The following PRICKLE1 variants were observed in gnomAD, a reference collection of about 807,000 sequenced individuals.
The protein encoded by PRICKLE1 is prickle planar cell polarity protein 1.
Under a neutral mutation model 70.2 loss-of-function variants are expected in PRICKLE1, and 14 were observed. The observed-to-expected ratio is 0.20, with a 90% confidence interval of 0.13 to 0.31. The LOEUF is 0.31. PRICKLE1 is among the 10% of genes least tolerant of loss of function. The pLI is 1.00. For missense variants in PRICKLE1, 821 were observed against 1,026.2 expected, an observed-to-expected ratio of 0.80 and a Z score of 2.73; for synonymous variants, 357 against 379.9, an observed-to-expected ratio of 0.94 and a Z score of 0.70.
chr12:42,517,415 C>T (rs1322530746), intron 1 of PRICKLE1, among the ~76,000 whole-genome samples: 1 of 145,796 alleles, frequency 6.9e-6, no homozygotes, highest in Admixed American at 7.3e-5. Flanking sequence ...CAGGTTCATG[C>T]CATTCTCCTG....
chr12:42,524,663 G>C (rs1014984553), intron 1 of PRICKLE1: 11 of 152,212 alleles, frequency 7.2e-5, no homozygotes, highest in African/African-American at 2.4e-4. Flanking sequence ...ACCAGCCTCG[G>C]CCTCCCAAAG....
chr12:42,526,186 G>A (rs552306132), intron 1 of PRICKLE1, among the ~76,000 whole-genome samples: 4 of 152,258 alleles, frequency 2.6e-5, no homozygotes, highest in South Asian at 4.1e-4. Context: ...GTGCATTCAC[G>A]ATTCATGGGT....
chr12:42,504,394 G>C (rs950881417), intron 1 of PRICKLE1, among the ~76,000 whole-genome samples: 2 of 152,212 alleles, frequency 1.3e-5, no homozygotes, highest in Admixed American at 1.3e-4. Flanking sequence ...CCTCCAAAAA[G>C]CACATTTAGT....
At chr12:42,545,163 C>A (rs1056295292) in intron 1 of PRICKLE1, among the ~76,000 whole-genome samples, 2 of 152,018 alleles carry the variant, frequency 1.3e-5, no homozygotes, top group South Asian at 2.1e-4. Flanking sequence ...ATCACCATGC[C>A]CAGCTAATTT....
chr12:42,506,567 C>CTTTT (rs139103281), intron 1 of PRICKLE1, among the ~76,000 whole-genome samples: 1 of 64,606 alleles, frequency 1.5e-5, no homozygotes, highest in Non-Finnish European at 2.9e-5. Context: ...CAATAGTGTT[C>CTTTT]TTTTTTTTTT....
chr12:42,545,429 T>C (rs1465530683), intron 1 of PRICKLE1, among the ~76,000 whole-genome samples: 1 of 152,262 alleles, frequency 6.6e-6, no homozygotes, highest in Non-Finnish European at 1.5e-5. Flanking sequence ...CTGCAGTTTC[T>C]CATTGTAAGA....
intron 1 of PRICKLE1, among the ~76,000 whole-genome samples, chr12:42,496,172 A>C (rs750166010): frequency 7.2e-5 from 11 of 152,260 alleles, no homozygotes; most frequent in Non-Finnish European, 1.0e-4. Context: ...TTGTGTTTGC[A>C]AGCATGAAAG....
At chr12:42,479,739 T>G (rs1430485667) in intron 1 of PRICKLE1, among the ~76,000 whole-genome samples, 2 of 152,092 alleles carry the variant, frequency 1.3e-5, no homozygotes, top group African/African-American at 2.4e-5. Context: ...GTGGATTACT[T>G]GAGGTCAGGA....
intron 1 of PRICKLE1, among the ~76,000 whole-genome samples, chr12:42,547,317 AT>A (rs1354238580): frequency 6.6e-6 from 1 of 152,246 alleles, no homozygotes. Flanking sequence ...TAACCCTGGT[AT>A]GCCATCTAAA....
intron 1 of PRICKLE1, among the ~76,000 whole-genome samples, chr12:42,514,541 C>T (rs911291711): frequency 6.6e-6 from 1 of 152,146 alleles, no homozygotes; most frequent in Non-Finnish European, 1.5e-5. Context: ...CCTTGGGAAA[C>T]TCAAAGGCTG....
intron 1 of PRICKLE1, among the ~76,000 whole-genome samples, chr12:42,477,482 G>GTATATATATATA (rs139988285): frequency 2.6e-5 from 3 of 116,382 alleles, no homozygotes; most frequent in African/African-American, 9.4e-5. Flanking sequence ...GTGTGTGTGT[G>GTATATATATATA]TATATATATA....
At chr12:42,543,995 T>C (rs995691620) in intron 1 of PRICKLE1, among the ~76,000 whole-genome samples, 1 of 152,228 alleles carries the variant, frequency 6.6e-6, no homozygotes, top group Admixed American at 6.5e-5. Context: ...TTACTATTCA[T>C]TAAGTGGAAG....
chr12:42,559,193 T>G (rs1940459254), intron 1 of PRICKLE1, among the ~76,000 whole-genome samples: 1 of 152,204 alleles, frequency 6.6e-6, no homozygotes, highest in South Asian at 2.1e-4. Context: ...CATTTCAAAC[T>G]GTTTCCTGGT....
intron 1 of PRICKLE1, among the ~76,000 whole-genome samples, chr12:42,577,816 A>C (rs1940827827): frequency 6.6e-6 from 1 of 152,226 alleles, no homozygotes; most frequent in Non-Finnish European, 1.5e-5. Context: ...GAAACAATAA[A>C]ATATCATCAA....
chr12:42,542,068 G>A, intron 1 of PRICKLE1, among the ~76,000 whole-genome samples: 1 of 152,184 alleles, frequency 6.6e-6, no homozygotes, highest in East Asian at 1.9e-4. Context: ...GAAGCTATGA[G>A]AGGAAGATGG....
chr12:42,480,114 C>A (rs1051953402), intron 1 of PRICKLE1, among the ~76,000 whole-genome samples: 2 of 152,154 alleles, frequency 1.3e-5, no homozygotes, highest in African/African-American at 4.8e-5. Context: ...GGCCCCTGAC[C>A]CATACATTTA....
chr12:42,496,381 G>T (rs1939201796), intron 1 of PRICKLE1, among the ~76,000 whole-genome samples: 1 of 152,204 alleles, frequency 6.6e-6, no homozygotes, highest in Non-Finnish European at 1.5e-5. Flanking sequence ...ACCACAGACA[G>T]AGTAGATTTA....
Position 42,459,816 on chromosome 12 carries a change from A to T in PRICKLE1, c.2489T>A (p.Ile830Asn). 6.2e-7 allele frequency: 1 copy of T among 1,614,234 alleles called. No homozygotes were observed. The highest frequency in any genetic ancestry group is 8.5e-7 in the Non-Finnish European group (1 of 1,180,046). Residue 830 changes from isoleucine to asparagine, a missense_variant, in exon 8 of 8, where the codon ATT becomes AAT. Transcript: ENST00000345127. Reference sequence around the variant, plus strand: ...CTCTGCATCACTACTTGGTTAAGAAATAATACAATTTTTGCCCTTGTGTCC... The same window carrying T: ...CTCTGCATCACTACTTGGTTAAGAATTAATACAATTTTTGCCCTTGTGTCC... ...KKGHKGKNCI[I>N]S is the part of the protein sequence containing the mutation.
intron 1 of PRICKLE1, among the ~76,000 whole-genome samples, chr12:42,559,483 C>G (rs536729335): frequency 2.7e-4 from 41 of 151,764 alleles, no homozygotes; most frequent in Non-Finnish European, 5.1e-4. Flanking sequence ...TGGGCTCAAG[C>G]GATCCTCCCA....
Sources: gnomAD v4.1 joint callset for allele counts (sites outside exome capture counted in the v4.1 genomes callset) on GRCh38, gnomAD v4.1.1 for gene constraint, MANE v1.5 for transcripts, NCBI Gene and HGNC (gene_info 2026-07-23, HGNC 2026-07-21) for gene names.